The following SCUBE3 variants were observed in gnomAD, a reference collection of about 807,000 sequenced individuals.
SCUBE3 encodes the protein signal peptide, CUB and EGF-like domain-containing protein 3.
Under a neutral mutation model 116.8 loss-of-function variants are expected in SCUBE3, and 33 were observed. The ratio of observed to expected loss-of-function variants is 0.28; its 90% CI spans 0.21 to 0.38. The LOEUF is 0.38. SCUBE3 is among the 10% of genes least tolerant of loss of function. SCUBE3 has a pLI of 1.00. For missense variants in SCUBE3, 1,007 were observed against 1,324.8 expected (o/e 0.76, Z 3.72); for synonymous variants, 418 against 496.9 (o/e 0.84, Z 2.11).
chr6:35,242,237 C>G lies in SCUBE3; in HGVS notation c.1451C>G (p.Ser484Cys). 1.9e-6 allele frequency: 3 copies of G among 1,614,020 alleles called. No individual in the cohort carries two copies. The highest frequency in any genetic ancestry group is 1.7e-6 in the Non-Finnish European group (2 of 1,179,904). The change falls in exon 13 of 22, where the codon TCC (serine) becomes TGC (cysteine). Residue 484 changes from serine to cysteine, a missense_variant. Ser to Cys is a moderately radical substitution (Grantham distance 112, BLOSUM62 -1). Transcript: ENST00000274938. ...AAVLSIKQRA[S>C]FKIKDAKCRL... ...GTGCTGTCCATTAAACAACGGGCCT[C>G]CTTCAAGATCAAGGATGCCAAATGC...
chr6:35,217,219 TGGCGGGGGGG>T (rs1782932150), intron 1 of SCUBE3, among the ~76,000 whole-genome samples: 2 of 2,142 alleles, frequency 9.3e-4, no homozygotes, highest in African/African-American at 1.4e-3. Context: ...GGTGGGTGTT[TGGCGGGGGGG>T]GGGGGGGCGG....
intron 6 of SCUBE3, among the ~76,000 whole-genome samples, chr6:35,237,189 A>G (rs1284577023): frequency 6.6e-6 from 1 of 152,120 alleles, no homozygotes; most frequent in East Asian, 1.9e-4. Flanking sequence ...CCCCTCTCCT[A>G]TACAACATCT....
Position 35,241,976 on chromosome 6 carries a change from T to C in SCUBE3, c.1417+66T>C. On this transcript the variant is annotated intron_variant, in intron 12 of 21. Transcript: ENST00000274938. The surrounding 1 kb of genome is among the most constrained non-coding windows in gnomAD (Gnocchi z 4.1). Reference sequence around the variant, plus strand: ...TTACATTAATCCCTTATTTTTGTTCTTCATCAATCCCCTGGCCTTCCTTTC... The same window carrying C: ...TTACATTAATCCCTTATTTTTGTTCCTCATCAATCCCCTGGCCTTCCTTTC... The C allele has an allele frequency of 8.5e-7, 1 of 1,180,882 alleles. No individual in the cohort carries two copies. Among genetic ancestry groups the C allele is most frequent in the Non-Finnish European group, 1.3e-6 (1 of 794,650 alleles). 73.2% of individuals were successfully genotyped at this position (1,180,882 alleles called of 1,614,324 possible). A position where few individuals can be genotyped will look rare whatever the true frequency, so the allele number is the denominator to read the frequency against.
intron 21 of SCUBE3, among the ~76,000 whole-genome samples, chr6:35,247,408 A>AGC (rs1310011857): frequency 2.1e-5 from 3 of 144,764 alleles, no homozygotes; most frequent in Non-Finnish European, 4.5e-5. Context: ...ATTGCACTCC[A>AGC]GCCTGGGCAA....
Position 35,228,865 on chromosome 6 carries a change from G to T in SCUBE3, c.334+126G>T. ...AAGAGCTACATTCACAAGAGAATAA[G>T]GTCAGCCTCCCCTTTGAGACTGGCC... On this transcript the variant is annotated intron_variant, in intron 3 of 21. Coordinates refer to ENST00000274938, the MANE Select transcript of SCUBE3 (RefSeq NM_152753.4). The surrounding 1 kb of genome is among the most constrained non-coding windows in gnomAD (Gnocchi z 4.9). 9.8e-7 allele frequency: 1 copy of T among 1,016,772 alleles called. No homozygotes were observed. Among genetic ancestry groups the T allele is most frequent in the Non-Finnish European group, 1.5e-6 (1 of 663,458 alleles). 63.0% of individuals were successfully genotyped at this position (1,016,772 alleles called of 1,614,324 possible).
rs772099028 is a variant in SCUBE3, at chr6:35,245,335, C to T, written c.2509C>T (p.Pro837Ser). 1.2e-6 allele frequency: 2 copies of T among 1,614,010 alleles called. No homozygotes were observed. The highest frequency in any genetic ancestry group is 1.3e-5 in the African/African-American group (1 of 74,900). The change falls in exon 19 of 22, where the codon CCA (proline) becomes TCA (serine). Residue 837 changes from proline (P) to serine (S), a missense_variant. Around this residue, in one of 5 missense-constraint regions of SCUBE3, gnomAD observed 544 missense variants for 638.9 expected, o/e 0.85. Transcript: ENST00000274938. The surrounding 1 kb of genome is among the most constrained non-coding windows in gnomAD (Gnocchi z 4.2). The part of the protein sequence containing the change: ...GVECIWNINP[P>S]PKRKILIVVP... ...GGAGTGCATCTGGAACATCAACCCC[C>T]CACCCAAGCGCAAGATCCTTATCGT...
intron 1 of SCUBE3, among the ~76,000 whole-genome samples, chr6:35,226,641 C>A (rs748787364): frequency 5.9e-5 from 9 of 152,084 alleles, no homozygotes; most frequent in African/African-American, 2.2e-4. Context: ...CATCACCACA[C>A]CTGGCTAATT....
chr6:35,217,451 A>G (rs1235246302), intron 1 of SCUBE3, among the ~76,000 whole-genome samples: 1 of 150,488 alleles, frequency 6.6e-6, no homozygotes, highest in Non-Finnish European at 1.5e-5. Flanking sequence ...AAAGTCATGC[A>G]TTTAGAATTT....
rs554874650 is a variant in SCUBE3, at chr6:35,219,036, C to T, written c.85+4533C>T. 7.9e-5 allele frequency among the ~76,000 whole-genome samples: 12 copies of T among 152,156 alleles called. No homozygotes were observed. Among genetic ancestry groups the T allele is most frequent in the Non-Finnish European group, 1.5e-4 (10 of 68,038 alleles). On this transcript the variant is annotated intron_variant, in intron 1 of 21. Coordinates refer to ENST00000274938, the MANE Select transcript of SCUBE3 (RefSeq NM_152753.4). The surrounding 1 kb of genome is among the most constrained non-coding windows in gnomAD (Gnocchi z 4.7). ...GAAGGCGCCGGGCCTCCACAGGTTACTCACCCAAATCTCAGGCGCTCTCCT... is the reference window on the plus strand; with the variant it reads ...GAAGGCGCCGGGCCTCCACAGGTTATTCACCCAAATCTCAGGCGCTCTCCT...
In SCUBE3 at chr6:35,243,544, G is replaced by A. The variant is rs1431322307; in HGVS notation, c.1910-50G>A. ...GTGGGAAGGGGAGTCCCAGGCCTGG[G>A]TGGTGGGAAATGCGGGGGTGGGTGG... On this transcript the variant is annotated intron_variant, in intron 15 of 21. Coordinates refer to ENST00000274938, the MANE Select transcript of SCUBE3 (RefSeq NM_152753.4). The surrounding 1 kb of genome is among the most constrained non-coding windows in gnomAD (Gnocchi z 6.6). 21 of 1,503,632 alleles carry A rather than the reference G, an allele frequency of 1.4e-5. No individual in the cohort carries two copies. Among genetic ancestry groups the A allele is most frequent in the South Asian group, 3.9e-5 (3 of 77,718 alleles). 93.1% of individuals were successfully genotyped at this position (1,503,632 alleles called of 1,614,324 possible).
At chr6:35,230,746 G>A (rs1783514042) in intron 3 of SCUBE3, among the ~76,000 whole-genome samples, 1 of 152,234 alleles carries the variant, frequency 6.6e-6, no homozygotes, top group Non-Finnish European at 1.5e-5. Context: ...CTGGCCAGAA[G>A]GGGAAGAGAA....
chr6:35,237,352 T>C (rs1008609841), intron 6 of SCUBE3, among the ~76,000 whole-genome samples: 5 of 152,192 alleles, frequency 3.3e-5, no homozygotes, highest in African/African-American at 9.7e-5. Flanking sequence ...GGATCTTTCT[T>C]AAGACAGCTA....
Position 35,233,148 on chromosome 6 carries a change from G to T in SCUBE3, c.596-37G>T, listed in dbSNP as rs1472755724. On this transcript the variant is annotated intron_variant, in intron 5 of 21. Transcript: ENST00000274938. The surrounding 1 kb of genome is among the most constrained non-coding windows in gnomAD (Gnocchi z 5.7). ...TGTGGAAAACTGTGGATGCAGGGAG[G>T]AGCAAGCTGACAGGGCCCTGTCCTC... 2 of 1,544,974 alleles carry T rather than the reference G, an allele frequency of 1.3e-6. No homozygotes were observed. The highest frequency in any genetic ancestry group is 2.7e-5 in the African/African-American group (2 of 73,656).
chr6:35,242,159 TC>T, intron 12 of SCUBE3, 44 bp from the exon 13 acceptor site: 1 of 1,420,282 alleles, frequency 7.0e-7, no homozygotes, highest in Non-Finnish European at 1.0e-6. Context: ...ACCCCCGACC[TC>T]CATGGGCATC....
Position 35,241,344 on chromosome 6 carries a change from T to C in SCUBE3, c.1195+78T>C. 1 of 1,474,758 alleles carries C rather than the reference T, an allele frequency of 6.8e-7. No homozygotes were observed. Among genetic ancestry groups the C allele is most frequent in the Non-Finnish European group, 9.3e-7 (1 of 1,077,088 alleles). 91.4% of individuals were successfully genotyped at this position (1,474,758 alleles called of 1,614,324 possible). A position where few individuals can be genotyped will look rare whatever the true frequency, so the allele number is the denominator to read the frequency against. On this transcript the variant is annotated intron_variant, in intron 10 of 21. Coordinates refer to ENST00000274938, the MANE Select transcript of SCUBE3 (RefSeq NM_152753.4). The surrounding 1 kb of genome is among the most constrained non-coding windows in gnomAD (Gnocchi z 4.1). ...TTGGGGTTCTGGAAAGCATAGAGTA[T>C]CACATTGGGGAAAGGTGTGAGGTGG...
chr6:35,237,083 AT>A (rs1783808396), intron 6 of SCUBE3, among the ~76,000 whole-genome samples: 1 of 152,196 alleles, frequency 6.6e-6, no homozygotes. Context: ...TAAAATAAGG[AT>A]TTAGGTCTTA....
chr6:35,219,766 G>A lies in SCUBE3; in HGVS notation c.85+5263G>A, dbSNP rs1256784815. Among the ~76,000 whole-genome samples the A allele has an allele frequency of 2.0e-5, 3 of 152,152 alleles. No individual in the cohort carries two copies. The highest frequency in any genetic ancestry group is 4.4e-5 in the Non-Finnish European group (3 of 68,022). On this transcript the variant is annotated intron_variant, in intron 1 of 21. Transcript: ENST00000274938. This position sits in a 1 kb window ranked among gnomAD's most constrained non-coding sequence, Gnocchi z 4.7. ...TGGGGAGCAGGTTTACAGAGAGGAC[G>A]TTTTTACAAGTTTCTAATTATATTT...
chr6:35,216,284 C>T (rs762758583), intron 1 of SCUBE3, among the ~76,000 whole-genome samples: 4 of 152,196 alleles, frequency 2.6e-5, no homozygotes, highest in Non-Finnish European at 5.9e-5. Context: ...TCATTGGACT[C>T]CCTGCTGGGT....
intron 1 of SCUBE3, 104 bp from the exon 2 acceptor site, chr6:35,227,474 CCT>C: frequency 3.3e-6 from 4 of 1,204,218 alleles, no homozygotes; most frequent in Non-Finnish European, 3.6e-6. Flanking sequence ...GGGGTCACTG[CCT>C]CTGTTTTAGA....
Sources: allele counts gnomAD v4.1 joint callset (sites outside exome capture counted in the v4.1 genomes callset), GRCh38; gene constraint gnomAD v4.1.1; regional missense constraint gnomAD v4.1.1; non-coding constraint Gnocchi (gnomAD v3.1); transcripts MANE v1.5; gene names NCBI Gene and HGNC (gene_info 2026-07-23, HGNC 2026-07-21).